The following LY86 variants were observed in gnomAD, a reference collection of about 807,000 sequenced individuals.
LY86 encodes the protein MD-1, RP105-associated.
A neutral mutation model predicts 17.3 loss-of-function variants in LY86; 20 were observed. The observed-to-expected ratio is 1.15, with a 90% CI of 0.81 to 1.68. The LOEUF is 1.68. Ranked by LOEUF, LY86 falls within the 40% of genes most tolerant of loss-of-function variation. The pLI is 0.00. For synonymous variants in LY86, 74 were observed against 70.6 expected (o/e 1.05, Z -0.24); for missense variants, 200 against 191.9 (o/e 1.04, Z -0.25).
At chr6:6,616,670 CACA>C (rs1761562134) in intron 1 of LY86, among the ~76,000 whole-genome samples, 1 of 152,218 alleles carries the variant, frequency 6.6e-6, no homozygotes, top group African/African-American at 2.4e-5. Flanking sequence ...CATCATATTC[CACA>C]ACATCAGATG....
At chr6:6,616,318 A>G (rs893967152) in intron 1 of LY86, among the ~76,000 whole-genome samples, 5 of 152,188 alleles carry the variant, frequency 3.3e-5, no homozygotes, top group African/African-American at 7.2e-5. Flanking sequence ...TTTCGCCTCC[A>G]TCTAAAGCTC....
chr6:6,648,814 C>T (rs763403478), intron 3 of LY86, among the ~76,000 whole-genome samples: 1 of 152,042 alleles, frequency 6.6e-6, no homozygotes, highest in Non-Finnish European at 1.5e-5. Context: ...AACAACTGTC[C>T]ACAGTCAACT....
chr6:6,604,750 T>C (rs1460590829), intron 1 of LY86, among the ~76,000 whole-genome samples: 1 of 151,660 alleles, frequency 6.6e-6, no homozygotes. Context: ...ACCCACAACA[T>C]AGCAACGTGC....
chr6:6,612,031 T>C (rs111857282), intron 1 of LY86, among the ~76,000 whole-genome samples: 21 of 152,244 alleles, frequency 1.4e-4, no homozygotes, highest in African/African-American at 4.8e-4. Flanking sequence ...TGGTCTCTTG[T>C]ATTAGGAGAG....
At chr6:6,592,289 A>G (rs1057159475) in intron 1 of LY86, among the ~76,000 whole-genome samples, 1 of 152,204 alleles carries the variant, frequency 6.6e-6, no homozygotes, top group Non-Finnish European at 1.5e-5. Flanking sequence ...GAAAGAAGAG[A>G]GCCACTGTCT....
At chr6:6,605,763 T>C (rs181885169) in intron 1 of LY86, among the ~76,000 whole-genome samples, 2 of 152,338 alleles carry the variant, frequency 1.3e-5, no homozygotes, top group East Asian at 3.9e-4. Flanking sequence ...GAACTTATTC[T>C]TTCTGATGCT....
intron 1 of LY86, among the ~76,000 whole-genome samples, chr6:6,612,524 C>G (rs1032494016): frequency 4.6e-5 from 7 of 152,102 alleles, no homozygotes; most frequent in African/African-American, 1.7e-4. Context: ...AGCAAAAGAA[C>G]AAACCAACCA....
chr6:6,637,233 A>G (rs1266421079), intron 3 of LY86, among the ~76,000 whole-genome samples: 5 of 151,956 alleles, frequency 3.3e-5, no homozygotes, highest in Non-Finnish European at 5.9e-5. Flanking sequence ...GGATGGTCTC[A>G]ATCTCCTGAC....
chr6:6,615,476 C>A (rs547809367), intron 1 of LY86, among the ~76,000 whole-genome samples: 1 of 152,270 alleles, frequency 6.6e-6, no homozygotes, highest in Admixed American at 6.5e-5. Flanking sequence ...AATCCCAGCA[C>A]TTTGGGAGGC....
intron 1 of LY86, among the ~76,000 whole-genome samples, chr6:6,606,728 C>T (rs1761169274): frequency 6.6e-6 from 1 of 152,202 alleles, no homozygotes; most frequent in Non-Finnish European, 1.5e-5. Context: ...CTTGCGGGGC[C>T]CGCTGAGCCC....
At position 6,626,433 on chromosome 6, in the gene LY86, G is replaced by C. The variant is rs754525851; in HGVS notation, c.352+12G>C. 1.2e-6 allele frequency: 2 copies of C among 1,613,158 alleles called. No individual in the cohort carries two copies. The highest frequency in any genetic ancestry group is 1.7e-6 in the Non-Finnish European group (2 of 1,179,896). On this transcript the variant is annotated intron_variant, in intron 3 of 4. Transcript: ENST00000230568. ...AAGAAGGAAAGGAGGTAAGCCATCTGTCTTGCTCACTGCTGGCAGGGGCCT... is the reference window on the plus strand; with the variant it reads ...AAGAAGGAAAGGAGGTAAGCCATCTCTCTTGCTCACTGCTGGCAGGGGCCT...
intron 1 of LY86, among the ~76,000 whole-genome samples, chr6:6,604,511 G>A (rs761181311): frequency 6.6e-6 from 1 of 152,266 alleles, no homozygotes; most frequent in Non-Finnish European, 1.5e-5. Context: ...TGGACTGGAT[G>A]AAAGGTCTAG....
chr6:6,632,693 T>C (rs1318762769), intron 3 of LY86, among the ~76,000 whole-genome samples: 1 of 152,216 alleles, frequency 6.6e-6, no homozygotes, highest in Non-Finnish European at 1.5e-5. Context: ...GGCTATGTTG[T>C]TCTGTTCTGT....
chr6:6,644,630 A>G (rs1762085016), intron 3 of LY86, among the ~76,000 whole-genome samples: 1 of 147,766 alleles, frequency 6.8e-6, no homozygotes, highest in African/African-American at 2.6e-5. Flanking sequence ...ACTCAGTGAC[A>G]ATCACCCAAA....
At chr6:6,622,547 G>A (rs953686034) in intron 1 of LY86, 3 of 152,156 alleles carry the variant, frequency 2.0e-5, no homozygotes, top group Admixed American at 2.0e-4. Flanking sequence ...AGTCCAATGA[G>A]CATAAGACAA....
chr6:6,649,482 A>G, intron 3 of LY86, 143 bp from the exon 4 acceptor site: 1 of 427,444 alleles, frequency 2.3e-6, no homozygotes. Context: ...GGTGTAGATC[A>G]GGAAATGAAA....
intron 3 of LY86, among the ~76,000 whole-genome samples, chr6:6,631,750 G>T (rs1421498526): frequency 6.6e-6 from 1 of 152,206 alleles, no homozygotes; most frequent in Non-Finnish European, 1.5e-5. Context: ...TATGGTCTCT[G>T]TGGCAATTGC....
chr6:6,594,366 A>G (rs1480267165), intron 1 of LY86, among the ~76,000 whole-genome samples: 1 of 152,242 alleles, frequency 6.6e-6, no homozygotes, highest in Non-Finnish European at 1.5e-5. Context: ...GACACATGGA[A>G]ATTATCTGAA....
At chr6:6,612,200 C>T (rs1761372239) in intron 1 of LY86, among the ~76,000 whole-genome samples, 2 of 152,294 alleles carry the variant, frequency 1.3e-5, no homozygotes, top group South Asian at 4.1e-4. Flanking sequence ...AGAACGAAGC[C>T]ACAGACCCTC....
Sources: gnomAD v4.1 joint callset for allele counts (sites outside exome capture counted in the v4.1 genomes callset) on GRCh38, gnomAD v4.1.1 for gene constraint, MANE v1.5 for transcripts, NCBI Gene and HGNC (gene_info 2026-07-23, HGNC 2026-07-21) for gene names.